The following FGF14 variants were observed in gnomAD, a reference collection of about 807,000 sequenced individuals.
FGF14 encodes fibroblast growth factor 14.
Under a neutral mutation model 25.5 loss-of-function variants are expected in FGF14, and 5 were observed. That is an observed-to-expected ratio of 0.20 (90% CI 0.10 to 0.41). The LOEUF is 0.41. Among genes scored for constraint, FGF14 ranks in the 10% least tolerant of loss-of-function variants. The pLI is 1.00. For missense variants in FGF14, 222 were observed against 320.1 expected (o/e 0.69, Z 2.34); for synonymous variants, 138 against 118.3 (o/e 1.17, Z -1.08).
chr13:102,374,674 ATATATATATATATATATATATATG>A (rs2057992100), intron 1 of FGF14, among the ~76,000 whole-genome samples: 1 of 95,654 alleles, frequency 1.0e-5, no homozygotes, highest in African/African-American at 3.6e-5. Context: ...ATATATATAT[ATATATATATATATATATATATATG>A]TCAGTAAGCA....
chr13:101,998,855 A>G (rs2039326950), intron 1 of FGF14, among the ~76,000 whole-genome samples: 2 of 152,342 alleles, frequency 1.3e-5, no homozygotes, highest in African/African-American at 4.8e-5. Flanking sequence ...CCTATCCCAT[A>G]AAATTACACA....
chr13:102,388,045 T>C (rs1004357546), intron 1 of FGF14, among the ~76,000 whole-genome samples: 1 of 152,158 alleles, frequency 6.6e-6, no homozygotes, highest in Non-Finnish European at 1.5e-5. Context: ...AGTTTTTTGA[T>C]CCTCAACTCC....
chr13:101,903,004 AG>A (rs2139000644), intron 1 of FGF14, among the ~76,000 whole-genome samples: 1 of 152,248 alleles, frequency 6.6e-6, no homozygotes, highest in Admixed American at 6.5e-5. Context: ...TCAGTTTTCT[AG>A]TTCATCCAAT....
rs571308966 is a variant in FGF14, at chr13:102,217,659, G to A, written c.208+183812C>T. ...GTGGCAAACATGAGAATCAGAGAAA[G>A]AAGATGTTGACTCAGAAAAAGAAAA... On this transcript the variant is annotated intron_variant, in intron 1 of 4. Coordinates refer to the FGF14 transcript ENST00000376131. 8.5e-5 allele frequency among the ~76,000 whole-genome samples: 13 copies of A among 152,280 alleles called. No individual in the cohort carries two copies. In the South Asian group the frequency reaches 2.7e-3, roughly 32 times the overall value.
rs1053265192 is a variant in FGF14 at position 102,333,927 on chromosome 13, T to C, written c.208+67544A>G. ...GGAGGAGGGAGCCATTGATTTATTTTCACCACTTTTCCCTGGCTGACAGCA... is the reference window on the plus strand; with the variant it reads ...GGAGGAGGGAGCCATTGATTTATTTCCACCACTTTTCCCTGGCTGACAGCA... On this transcript the variant is annotated intron_variant, in intron 1 of 4. Coordinates refer to the FGF14 transcript ENST00000376131. Among the ~76,000 whole-genome samples the C allele has an allele frequency of 2.0e-5, 3 of 152,244 alleles. 1 individual carries two copies.
At chr13:102,043,133 G>GCT (rs2041821641) in intron 1 of FGF14, among the ~76,000 whole-genome samples, 1 of 152,132 alleles carries the variant, frequency 6.6e-6, no homozygotes, top group African/African-American at 2.4e-5. Context: ...GTCTTACATT[G>GCT]CTCTTTTAAT....
intron 1 of FGF14, among the ~76,000 whole-genome samples, chr13:102,158,587 G>A (rs2047469864): frequency 6.6e-6 from 1 of 151,730 alleles, no homozygotes. Flanking sequence ...GAGTTAATGG[G>A]TGCAGCACAC....
chr13:102,264,386 C>T (rs2052877471), intron 1 of FGF14, among the ~76,000 whole-genome samples: 1 of 152,082 alleles, frequency 6.6e-6, no homozygotes, highest in Non-Finnish European at 1.5e-5. Context: ...ATATATAAAG[C>T]ACGAAAACTG....
At chr13:101,787,180 T>TC (rs55770636) in intron 3 of FGF14, among the ~76,000 whole-genome samples, 137,896 of 152,166 alleles carry the variant, frequency 0.91, 64,001 homozygotes, top group East Asian at 1. Context: ...CAATAATGTA[T>TC]CTTCAACACA....
intron 1 of FGF14, among the ~76,000 whole-genome samples, chr13:102,155,574 T>C (rs914374183): frequency 6.6e-6 from 1 of 152,028 alleles, no homozygotes; most frequent in East Asian, 1.9e-4. Context: ...AGATCTAAAA[T>C]TGACACCCTA....
intron 1 of FGF14, among the ~76,000 whole-genome samples, chr13:102,282,270 T>A (rs2053881531): frequency 6.6e-6 from 1 of 152,094 alleles, no homozygotes; most frequent in Non-Finnish European, 1.5e-5. Flanking sequence ...TTCTCCATGT[T>A]GGTCAGGCTG....
intron 3 of FGF14, among the ~76,000 whole-genome samples, chr13:101,757,282 AT>A (rs2139879191): frequency 6.6e-6 from 1 of 152,256 alleles, no homozygotes; most frequent in Non-Finnish European, 1.5e-5. Flanking sequence ...GCTTGTTTTT[AT>A]GAAACAAATT....
intron 3 of FGF14, among the ~76,000 whole-genome samples, chr13:101,859,068 T>A (rs2140402600): frequency 6.6e-6 from 1 of 152,246 alleles, no homozygotes; most frequent in East Asian, 1.9e-4. Flanking sequence ...TTCTGCAATT[T>A]TAACTTGAGA....
chr13:101,927,041 G>A (rs1025602411), intron 1 of FGF14, among the ~76,000 whole-genome samples: 12 of 152,046 alleles, frequency 7.9e-5, no homozygotes, highest in African/African-American at 2.4e-4. Context: ...TTAGAGCCCC[G>A]AGACAAGCCC....
intron 1 of FGF14, among the ~76,000 whole-genome samples, chr13:102,169,394 T>C (rs959341605): frequency 1.3e-5 from 2 of 152,078 alleles, no homozygotes; most frequent in Admixed American, 6.6e-5. Context: ...TTCATGCCCC[T>C]GAGGACAGGA....
intron 3 of FGF14, among the ~76,000 whole-genome samples, chr13:101,745,956 T>C (rs1399974748): frequency 6.6e-6 from 1 of 152,054 alleles, no homozygotes; most frequent in Non-Finnish European, 1.5e-5. Context: ...GACTGATTCA[T>C]TTATAGTGTC....
intron 1 of FGF14, among the ~76,000 whole-genome samples, chr13:101,953,558 A>G (rs1010416375): frequency 2.0e-5 from 3 of 148,264 alleles, no homozygotes; most frequent in Non-Finnish European, 4.5e-5. Flanking sequence ...GTATATATAT[A>G]TGTGTGTGTG....
intron 1 of FGF14, among the ~76,000 whole-genome samples, chr13:102,161,813 G>T (rs2047787087): frequency 6.7e-6 from 1 of 149,734 alleles, no homozygotes. Context: ...CCAATATAGT[G>T]CGCCTAGAAG....
intron 3 of FGF14, among the ~76,000 whole-genome samples, chr13:101,823,673 G>A (rs1448289769): frequency 6.6e-6 from 1 of 150,664 alleles, no homozygotes; most frequent in South Asian, 2.1e-4. Context: ...CCGACCTGAG[G>A]TGATCCACCT....
Sources: allele counts gnomAD v4.1 joint callset (sites outside exome capture counted in the v4.1 genomes callset), GRCh38; gene constraint gnomAD v4.1.1; transcripts MANE v1.5; gene names NCBI Gene and HGNC (gene_info 2026-07-23, HGNC 2026-07-21).